Variants in DPP10 observed in about 807,000 individuals in gnomAD.
DPP10 encodes dipeptidyl peptidase like 10.
A neutral mutation model predicts 120.9 loss-of-function variants in DPP10; 33 were observed. The observed-to-expected ratio is 0.27, with a 90% CI of 0.21 to 0.37. The LOEUF (loss-of-function observed/expected upper bound fraction) is 0.37. Ranked by LOEUF, DPP10 falls within the 10% of genes least tolerant of loss-of-function variation. The pLI is 1.00. For synonymous variants in DPP10, 337 were observed against 326.1 expected, an observed-to-expected ratio of 1.03 and a Z score of -0.36; for missense variants, 816 against 942.8, an observed-to-expected ratio of 0.87 and a Z score of 1.76.
intron 1 of DPP10, among the ~76,000 whole-genome samples, chr2:114,517,588 A>C (rs887297413): frequency 3.3e-5 from 5 of 152,114 alleles, no homozygotes; most frequent in Non-Finnish European, 1.5e-5. Context: ...AGTGTGTAAG[A>C]CATTTTACTC....
chr2:115,125,721 T>A (rs528509267), intron 1 of DPP10, among the ~76,000 whole-genome samples: 11 of 151,966 alleles, frequency 7.2e-5, no homozygotes, highest in East Asian at 1.9e-4. Context: ...ACAGGTGCCC[T>A]CCACCACACA....
chr2:114,499,798 G>T (rs1169348274), intron 1 of DPP10, among the ~76,000 whole-genome samples: 1 of 152,190 alleles, frequency 6.6e-6, no homozygotes, highest in Non-Finnish European at 1.5e-5. Context: ...TGGAATGAAA[G>T]CTTCATCCTG....
chr2:115,456,314 A>T (rs779483994), intron 3 of DPP10, among the ~76,000 whole-genome samples: 18 of 152,122 alleles, frequency 1.2e-4, no homozygotes, highest in Admixed American at 7.2e-4. Context: ...GAAACAACAG[A>T]TGCTGGAGAG....
intron 3 of DPP10, among the ~76,000 whole-genome samples, chr2:115,352,892 G>A (rs2064128973): frequency 6.6e-6 from 1 of 152,016 alleles, no homozygotes; most frequent in South Asian, 2.1e-4. Context: ...GGGTACACAT[G>A]GCACATTTTA....
At chr2:114,749,814 C>T (rs1004602219) in intron 1 of DPP10, among the ~76,000 whole-genome samples, 1 of 151,994 alleles carries the variant, frequency 6.6e-6, no homozygotes, top group African/African-American at 2.4e-5. Flanking sequence ...AATGATGCTG[C>T]ATACAATGAT....
intron 1 of DPP10, among the ~76,000 whole-genome samples, chr2:114,866,037 G>A (rs1233683106): frequency 6.6e-6 from 1 of 151,846 alleles, no homozygotes; most frequent in African/African-American, 2.4e-5. Context: ...GCTTGAACCT[G>A]GGGGGCGGAG....
chr2:115,046,602 G>A (rs529781398), intron 1 of DPP10, among the ~76,000 whole-genome samples: 1 of 152,126 alleles, frequency 6.6e-6, no homozygotes. Flanking sequence ...TTTGTACTTT[G>A]AATAGTTAAT....
At chr2:115,623,745 A>G (rs1243228523) in intron 5 of DPP10, among the ~76,000 whole-genome samples, 1 of 152,206 alleles carries the variant, frequency 6.6e-6, no homozygotes, top group Non-Finnish European at 1.5e-5. Flanking sequence ...TCCTCTTTGT[A>G]TAATTTCTCA....
chr2:115,166,321 ATTAC>A (rs1458528621), intron 1 of DPP10, among the ~76,000 whole-genome samples: 11 of 151,480 alleles, frequency 7.3e-5, no homozygotes, highest in Non-Finnish European at 1.5e-5. Flanking sequence ...TAAAAAACAT[ATTAC>A]TTCGAATTAT....
At chr2:115,770,202 GTAGGGTT>G (rs1162044368) in intron 13 of DPP10, among the ~76,000 whole-genome samples, 3 of 152,060 alleles carry the variant, frequency 2.0e-5, no homozygotes, top group Non-Finnish European at 4.4e-5. Flanking sequence ...ATGGCGTTGG[GTAGGGTT>G]GTGATGTTGA....
In DPP10 at chr2:115,588,390, A is replaced by T. The variant is rs534621506; in HGVS notation, c.441+62418A>T. Among the ~76,000 whole-genome samples, 14 of 152,312 alleles carry T rather than the reference A, an allele frequency of 9.2e-5. No individual in the cohort carries two copies. In the East Asian group the frequency reaches 2.7e-3, roughly 29 times the overall value. ...CAAAAATCATTCAGTCTATTCATTAACCAATATTTATTTAATAAAATTTGT... is the reference window on the plus strand; with the variant it reads ...CAAAAATCATTCAGTCTATTCATTATCCAATATTTATTTAATAAAATTTGT... On this transcript the variant is annotated intron_variant, in intron 5 of 25. Coordinates refer to ENST00000410059, the MANE Select transcript of DPP10 (RefSeq NM_020868.6).
At chr2:114,539,208 TATACAC>T (rs1407184902) in intron 1 of DPP10, among the ~76,000 whole-genome samples, 1 of 148,706 alleles carries the variant, frequency 6.7e-6, no homozygotes, top group Non-Finnish European at 1.5e-5. Context: ...TATTTATAAT[TATACAC>T]ATAACTATTG....
intron 1 of DPP10, among the ~76,000 whole-genome samples, chr2:115,272,193 A>G (rs1320934386): frequency 2.6e-5 from 4 of 152,210 alleles, no homozygotes; most frequent in Non-Finnish European, 4.4e-5. Flanking sequence ...TTTTCTTTGA[A>G]ACTGATCAAC....
intron 1 of DPP10, among the ~76,000 whole-genome samples, chr2:114,878,854 T>G (rs937808157): frequency 1.3e-5 from 2 of 152,152 alleles, no homozygotes; most frequent in African/African-American, 4.8e-5. Flanking sequence ...CTTAGACTGA[T>G]TCCATATCTT....
At chr2:115,327,661 T>C (rs889024957) in intron 2 of DPP10, among the ~76,000 whole-genome samples, 1 of 152,088 alleles carries the variant, frequency 6.6e-6, no homozygotes, top group African/African-American at 2.4e-5. Flanking sequence ...GTTTAGCTCA[T>C]AACTCAAGCA....
chr2:114,936,375 A>G (rs551563361), intron 1 of DPP10, among the ~76,000 whole-genome samples: 50 of 151,836 alleles, frequency 3.3e-4, no homozygotes, highest in East Asian at 2.1e-3. Context: ...GTGTGTGTGT[A>G]TATATATACA....
At chr2:114,963,079 A>G (rs894580629) in intron 1 of DPP10, among the ~76,000 whole-genome samples, 35 of 152,222 alleles carry the variant, frequency 2.3e-4, no homozygotes, top group African/African-American at 8.0e-4. Context: ...ATTCTTAAGC[A>G]TAGTATTTTT....
At chr2:115,348,726 T>G (rs189349055) in intron 3 of DPP10, among the ~76,000 whole-genome samples, 4 of 152,272 alleles carry the variant, frequency 2.6e-5, no homozygotes, top group Non-Finnish European at 4.4e-5. Flanking sequence ...AAGTTGTAAA[T>G]TTTAAATACA....
Position 115,004,774 on chromosome 2 carries a change from G to A in DPP10, c.61-304465G>A, listed in dbSNP as rs923913097. Reference sequence around the variant, plus strand: ...GCAGTCTGAGATCAAACTGCAAGGCGGCAGCGAGGCTGGGGGAGGGGCGCC... The same window carrying A: ...GCAGTCTGAGATCAAACTGCAAGGCAGCAGCGAGGCTGGGGGAGGGGCGCC... On this transcript the variant is annotated intron_variant, in intron 1 of 25. Transcript: ENST00000410059. Among the ~76,000 whole-genome samples, 21 of 152,230 alleles carry A rather than the reference G, an allele frequency of 1.4e-4. 1 individual carries two copies. The South Asian group carries it at 2.7e-3, about 20-fold the overall frequency.
Sources: allele counts gnomAD v4.1 joint callset (sites outside exome capture counted in the v4.1 genomes callset), GRCh38; gene constraint gnomAD v4.1.1; transcripts MANE v1.5; gene names NCBI Gene and HGNC (gene_info 2026-07-23, HGNC 2026-07-21).